LIN54: variants seen among roughly 807,000 people sequenced by gnomAD.
LIN54 encodes protein lin-54 homolog.
Under a neutral mutation model 78.7 loss-of-function variants are expected in LIN54, and 9 were observed. The ratio of observed to expected loss-of-function variants is 0.11; its 90% CI spans 0.07 to 0.20. LIN54 has a LOEUF of 0.20. Ranked by LOEUF, LIN54 falls within the 10% of genes least tolerant of loss-of-function variation. The probability of loss-of-function intolerance (pLI) is 1.00; values close to 1 mark genes in which losing one functional copy is unlikely to be tolerated. For missense variants in LIN54, 573 were observed against 889.9 expected (o/e 0.64, Z 4.53); for synonymous variants, 269 against 318.4 (o/e 0.84, Z 1.65).
rs187348106 is a variant in LIN54, at chr4:82,993,470, G to A, written c.-32-8594C>T. On this transcript the variant is annotated intron_variant, in intron 1 of 12. Transcript: ENST00000340417. The stretch of plus-strand genomic sequence containing the variant: ...AGACCTCAGGTGATCCGCCTGCCTC[G>A]GCCTCCCAAAGTGCTGGGATCACAG... Among the ~76,000 whole-genome samples, 1,270 of 151,606 alleles carry A rather than the reference G, an allele frequency of 8.4e-3. 22 individuals are homozygous for A. The highest frequency in any genetic ancestry group is 0.029 in the African/African-American group (1,184 of 41,346).
intron 1 of LIN54, among the ~76,000 whole-genome samples, chr4:82,988,819 C>T (rs1381699627): frequency 6.6e-6 from 1 of 152,142 alleles, no homozygotes; most frequent in Non-Finnish European, 1.5e-5. Context: ...ATGACTCTAG[C>T]CTCTTTTCAT....
At chr4:82,972,549 C>T (rs1047350399) in intron 3 of LIN54, among the ~76,000 whole-genome samples, 3 of 152,044 alleles carry the variant, frequency 2.0e-5, no homozygotes, top group Non-Finnish European at 4.4e-5. Context: ...AAAGCTAATA[C>T]CTGTGAGATA....
intron 4 of LIN54, among the ~76,000 whole-genome samples, chr4:82,968,043 G>GTTTTTTT (rs371267602): frequency 6.9e-6 from 1 of 144,594 alleles, no homozygotes; most frequent in African/African-American, 2.5e-5. Flanking sequence ...TTTGTTTTTT[G>GTTTTTTT]TTTTTTTTTT....
intron 2 of LIN54, among the ~76,000 whole-genome samples, chr4:82,979,399 C>T (rs1175768158): frequency 6.6e-6 from 1 of 151,984 alleles, no homozygotes; most frequent in East Asian, 1.9e-4. Context: ...ATGACAAAGC[C>T]ACCTATATAC....
chr4:82,953,693 T>C (rs1265033945), intron 4 of LIN54, among the ~76,000 whole-genome samples: 1 of 152,192 alleles, frequency 6.6e-6, no homozygotes, highest in Non-Finnish European at 1.5e-5. Context: ...CTCACATCTG[T>C]AATCCCAGCA....
intron 4 of LIN54, among the ~76,000 whole-genome samples, chr4:82,960,315 C>G (rs113825448): frequency 0.019 from 104 of 5,430 alleles, no homozygotes; most frequent in Admixed American, 0.038. Context: ...CAGGCACACA[C>G]CAGCGGTGTG....
intron 4 of LIN54, among the ~76,000 whole-genome samples, chr4:82,948,977 G>A (rs1395055685): frequency 6.6e-6 from 1 of 152,114 alleles, no homozygotes; most frequent in Non-Finnish European, 1.5e-5. Flanking sequence ...AATAAACATG[G>A]AAGTGCAGAT....
chr4:82,946,186 G>T, intron 5 of LIN54, 72 bp downstream of exon 5: 1 of 1,332,934 alleles, frequency 7.5e-7, no homozygotes, highest in Non-Finnish European at 1.1e-6. Context: ...CAGGATTTCA[G>T]CAAGAAATGG....
At chr4:82,936,440 G>T in intron 9 of LIN54, 59 bp from the exon 10 acceptor site, 2 of 812,756 alleles carry the variant, frequency 2.5e-6, no homozygotes, top group Non-Finnish European at 4.0e-6. Context: ...CTAATTATCT[G>T]ATTATGCATA....
intron 4 of LIN54, among the ~76,000 whole-genome samples, chr4:82,966,569 G>C (rs1407603838): frequency 1.1e-4 from 17 of 152,020 alleles, no homozygotes; most frequent in Admixed American, 1.0e-3. Context: ...CTCTGAGACA[G>C]AGTAGGTGAC....
At chr4:82,989,493 C>T (rs957776449) in intron 1 of LIN54, among the ~76,000 whole-genome samples, 1 of 152,270 alleles carries the variant, frequency 6.6e-6, no homozygotes, top group African/African-American at 2.4e-5. Context: ...TCCCCAAACC[C>T]CAAGAGTTGA....
chr4:82,952,278 A>C (rs999424496), intron 4 of LIN54, among the ~76,000 whole-genome samples: 1 of 152,216 alleles, frequency 6.6e-6, no homozygotes, highest in Non-Finnish European at 1.5e-5. Flanking sequence ...CGTAATAACA[A>C]AAATAAGCAA....
chr4:82,979,030 A>T (rs201869554), intron 2 of LIN54, 24 bp from the exon 3 acceptor site: 239 of 1,523,138 alleles, frequency 1.6e-4, no homozygotes, highest in Non-Finnish European at 2.0e-4. Flanking sequence ...ATAACTATGA[A>T]GACCATCTGT....
At chr4:83,007,139 CA>C (rs1409444168) in intron 1 of LIN54, among the ~76,000 whole-genome samples, 1 of 151,338 alleles carries the variant, frequency 6.6e-6, no homozygotes, top group Middle Eastern at 3.2e-3. Flanking sequence ...AACTCCGTCT[CA>C]AAAAACAAAT....
intron 4 of LIN54, among the ~76,000 whole-genome samples, chr4:82,955,869 A>G (rs1160534537): frequency 3.3e-5 from 5 of 152,224 alleles, no homozygotes; most frequent in Admixed American, 3.3e-4. Flanking sequence ...TAACCTAAAA[A>G]ATGAGAAGCA....
chr4:83,010,582 G>C lies in LIN54; in HGVS notation c.-131C>G. Reference sequence around the variant, plus strand: ...CCCCGGCGGGGCTTGTTTTGCCCGTGCACGATAGCTCTGGCCAGCAGCTTC... The same window carrying C: ...CCCCGGCGGGGCTTGTTTTGCCCGTCCACGATAGCTCTGGCCAGCAGCTTC... On this transcript the variant is annotated 5_prime_UTR_variant, in exon 1 of 13. Coordinates refer to ENST00000340417, the MANE Select transcript of LIN54 (RefSeq NM_194282.4). The C allele has an allele frequency of 8.2e-7, 1 of 1,222,438 alleles. No individual in the cohort carries two copies. The highest frequency in any genetic ancestry group is 1.0e-6 in the Non-Finnish European group (1 of 982,206). 75.7% of individuals were successfully genotyped at this position (1,222,438 alleles called of 1,614,324 possible). A position where few individuals can be genotyped will look rare whatever the true frequency, so the allele number is the denominator to read the frequency against.
chr4:83,002,543 C>G (rs1325776929), intron 1 of LIN54, among the ~76,000 whole-genome samples: 2 of 152,010 alleles, frequency 1.3e-5, no homozygotes, highest in African/African-American at 4.8e-5. Flanking sequence ...AAAGTTACAT[C>G]AAGTGTGCCC....
intron 12 of LIN54, among the ~76,000 whole-genome samples, chr4:82,930,057 C>T (rs577596946): frequency 6.6e-6 from 1 of 152,050 alleles, no homozygotes; most frequent in East Asian, 2.0e-4. Flanking sequence ...ACCACCATGC[C>T]CAGCTAATTT....
chr4:83,000,827 C>CTTTTTTTTTTTTTTTTT (rs1553959274), intron 1 of LIN54, among the ~76,000 whole-genome samples: 4 of 120,538 alleles, frequency 3.3e-5, no homozygotes, highest in Admixed American at 1.9e-4. Context: ...GCAATAAATT[C>CTTTTTTTTTTTTTTTTT]TTTTTTTTTT....
Sources: allele counts gnomAD v4.1 joint callset (sites outside exome capture counted in the v4.1 genomes callset), GRCh38; gene constraint gnomAD v4.1.1; transcripts MANE v1.5; gene names NCBI Gene and HGNC (gene_info 2026-07-23, HGNC 2026-07-21).